The following SREK1 variants were observed in gnomAD, a reference collection of about 807,000 sequenced individuals.
The protein encoded by SREK1 is splicing regulatory glutamine/lysine-rich protein 1.
A neutral mutation model predicts 66.5 loss-of-function variants in SREK1; 13 were observed. The ratio of observed to expected loss-of-function variants is 0.20; its 90% CI spans 0.13 to 0.31. The LOEUF (loss-of-function observed/expected upper bound fraction) is 0.31. SREK1 is among the 10% of genes least tolerant of loss of function. The pLI, the probability that SREK1 is intolerant of heterozygous loss-of-function variation, is 1.00. For synonymous variants in SREK1, 265 were observed against 263.5 expected, an observed-to-expected ratio of 1.01 and a Z score of -0.05; for missense variants, 607 against 769.6, an observed-to-expected ratio of 0.79 and a Z score of 2.50.
rs1213105007 is a variant in SREK1 at position 66,162,576 on chromosome 5, G to C, written c.739G>C (p.Gly247Arg). ...CCTTGCTTTTAATGGAGTTATGTTT[G>C]GAGACAGGCCACTGAAGTAAGAAAT... Reference protein sequence around the residue: ...RALAFNGVMFGDRPLKINHSN... With the variant: ...RALAFNGVMFRDRPLKINHSN... The change falls in exon 5 of 12, where the codon GGA (glycine) becomes CGA (arginine). Residue 247 changes from glycine (G) to arginine (R), a missense_variant. By Grantham distance (125) the Gly-to-Arg change is moderately radical. Around this residue, in one of 5 missense-constraint regions of SREK1, gnomAD observed 112 missense variants for 168.6 expected, o/e 0.66. Coordinates refer to ENST00000334121, the MANE Select transcript of SREK1 (RefSeq NM_001077199.3). 10 of 1,609,848 alleles carry C rather than the reference G, an allele frequency of 6.2e-6. No individual in the cohort carries two copies. The highest frequency in any genetic ancestry group is 4.2e-6 in the Non-Finnish European group (5 of 1,177,522).
chr5:66,177,032 T>G (rs1746109140), intron 10 of SREK1, among the ~76,000 whole-genome samples: 1 of 152,142 alleles, frequency 6.6e-6, no homozygotes, highest in Non-Finnish European at 1.5e-5. Context: ...ACTTTTCTCT[T>G]ATGAACTGAA....
chr5:66,169,571 TTTGATTATATCTAG>T (rs1403353452), intron 7 of SREK1: 1 of 152,248 alleles, frequency 6.6e-6, no homozygotes, highest in Non-Finnish European at 1.5e-5. Context: ...AAATCCAATA[TTTGATTATATCTAG>T]TTTTAACTTA....
intron 1 of SREK1, among the ~76,000 whole-genome samples, chr5:66,147,578 A>AT (rs896536176): frequency 1.3e-5 from 2 of 152,044 alleles, no homozygotes; most frequent in Non-Finnish European, 2.9e-5. Flanking sequence ...TCCTGTGTTG[A>AT]TTTTTTTTGC....
chr5:66,166,833 CAT>C (rs913032770), intron 7 of SREK1: 12 of 151,792 alleles, frequency 7.9e-5, no homozygotes, highest in Middle Eastern at 3.2e-3. Flanking sequence ...CATGTGGAAA[CAT>C]GTAGCCTTAA....
intron 7 of SREK1, chr5:66,169,611 A>G (rs1308667170): frequency 6.6e-6 from 1 of 152,218 alleles, no homozygotes; most frequent in Non-Finnish European, 1.5e-5. Context: ...AATGATTTTT[A>G]TTTTCCTGTC....
At chr5:66,166,021 T>C (rs542998265) in intron 7 of SREK1, 12 of 152,220 alleles carry the variant, frequency 7.9e-5, no homozygotes, top group Non-Finnish European at 1.6e-4. Flanking sequence ...CTTTGGAATA[T>C]GGTTTTACTG....
chr5:66,159,116 TTTA>T (rs764732044), intron 2 of SREK1, 100 bp from the exon 3 acceptor site: 202 of 1,445,602 alleles, frequency 1.4e-4, no homozygotes, highest in Middle Eastern at 3.7e-4. Context: ...GATAGATTCA[TTTA>T]TTATTATTAT....
rs183122104 is a variant in SREK1, at chr5:66,158,530, G to A, written c.296-689G>A. The A allele has an allele frequency of 3.6e-3, 656 of 180,662 alleles. 4 individuals are homozygous for A. The highest frequency in any genetic ancestry group is 0.014 in the African/African-American group (600 of 41,726). The allele number at this position is 180,662 out of a possible 1,614,324, so 11.2% of individuals were successfully genotyped here. ...GGTGAGATGCTTTATTAACTGAATG[G>A]ATGTAGGCTTCCTTTTACGTTGAAG... is the stretch of plus-strand genomic sequence containing the variant. On this transcript the variant is annotated intron_variant, in intron 2 of 11. Transcript: ENST00000334121.
intron 2 of SREK1, among the ~76,000 whole-genome samples, chr5:66,155,662 G>A (rs1744224405): frequency 6.6e-6 from 1 of 152,164 alleles, no homozygotes; most frequent in Non-Finnish European, 1.5e-5. Flanking sequence ...TGACATAAGT[G>A]AGAAAAACCA....
At chr5:66,151,947 G>A (rs1441865597) in intron 1 of SREK1, among the ~76,000 whole-genome samples, 2 of 139,670 alleles carry the variant, frequency 1.4e-5, no homozygotes, top group Admixed American at 7.9e-5. Context: ...CCGGGTTCAC[G>A]CCACTCTCCT....
chr5:66,166,226 A>G, intron 7 of SREK1: 1 of 152,164 alleles, frequency 6.6e-6, no homozygotes, highest in South Asian at 2.1e-4. Context: ...CAAGGAAATA[A>G]TAGAATTGGG....
intron 1 of SREK1, among the ~76,000 whole-genome samples, chr5:66,150,299 T>C (rs1580618302): frequency 6.6e-6 from 1 of 152,178 alleles, no homozygotes; most frequent in African/African-American, 2.4e-5. Flanking sequence ...TACCTAATGA[T>C]TGCGGTATCT....
chr5:66,161,973 A>C, intron 3 of SREK1, 136 bp from the exon 4 acceptor site: 2 of 884,466 alleles, frequency 2.3e-6, no homozygotes, highest in Non-Finnish European at 3.3e-6. Flanking sequence ...AGACATATAT[A>C]TGACTGAAAG....
rs769363259 is a variant in SREK1 at position 66,178,812 on chromosome 5, A to C, written c.1819A>C (p.Asn607His). The C allele has an allele frequency of 6.2e-7, 1 of 1,612,684 alleles. No individual in the cohort carries two copies. Among genetic ancestry groups the C allele is most frequent in the South Asian group, 1.1e-5 (1 of 91,012 alleles). The change falls in exon 12 of 12, where the codon AAT (asparagine) becomes CAT (histidine). Residue 607 changes from asparagine (N) to histidine (H), a missense_variant. Asn to His is a moderately conservative substitution (Grantham distance 68, BLOSUM62 1). Around this residue, in one of 5 missense-constraint regions of SREK1, gnomAD observed 318 missense variants for 310.3 expected, o/e 1.02. Transcript: ENST00000334121. ...PRTEENKIQH[N>H]GNCQLNEENL... ...GACTGAGGAAAACAAAATACAGCAC[A>C]ATGGGAATTGTCAGCTGAATGAAGA...
chr5:66,159,974 C>T (rs1352389127), intron 3 of SREK1, among the ~76,000 whole-genome samples: 2 of 152,056 alleles, frequency 1.3e-5, no homozygotes, highest in Non-Finnish European at 2.9e-5. Flanking sequence ...ACTAAAAATA[C>T]AAAAACTTCT....
At position 66,170,576 on chromosome 5, in the gene SREK1, T is replaced by C; in HGVS notation, c.1122-9T>C. 6.3e-7 allele frequency: 1 copy of C among 1,576,302 alleles called. No homozygotes were observed. Among genetic ancestry groups the C allele is most frequent in the Non-Finnish European group, 8.6e-7 (1 of 1,168,846 alleles). ...TTAGTTATGAATTTATTTATTTTTGTTTTTAAAGGGACAAGAGAAAAGACA... is the reference window on the plus strand; with the variant it reads ...TTAGTTATGAATTTATTTATTTTTGCTTTTAAAGGGACAAGAGAAAAGACA... On this transcript the variant is annotated splice_polypyrimidine_tract_variant and intron_variant, in intron 8 of 11. Coordinates refer to ENST00000334121, the MANE Select transcript of SREK1 (RefSeq NM_001077199.3).
chr5:66,166,051 A>G (rs1385841179), intron 7 of SREK1: 2 of 152,248 alleles, frequency 1.3e-5, no homozygotes, highest in East Asian at 1.9e-4. Context: ...AAGGACTTAC[A>G]GTAAGACACT....
In SREK1 at chr5:66,170,049, A is replaced by T. The variant is rs1208769550; in HGVS notation, c.1002-2A>T. 6 of 1,537,068 alleles carry T rather than the reference A, an allele frequency of 3.9e-6. No homozygotes were observed. The East Asian group carries it at 1.4e-4, about 35-fold the overall frequency. Reference sequence around the variant, plus strand: ...GATATTCTAACAATTTTTTTTCTTTAGGAGTAGATCCCATAATAGATCACG... The same window carrying T: ...GATATTCTAACAATTTTTTTTCTTTTGGAGTAGATCCCATAATAGATCACG... On this transcript the variant is annotated splice_acceptor_variant, in intron 7 of 11. Coordinates refer to ENST00000334121, the MANE Select transcript of SREK1 (RefSeq NM_001077199.3). LOFTEE classifies it high-confidence loss of function.
At chr5:66,157,877 C>T (rs940468190) in intron 2 of SREK1, 3 of 240,482 alleles carry the variant, frequency 1.2e-5, no homozygotes, top group Non-Finnish European at 2.0e-5. Context: ...AAGATATATT[C>T]AGATAATATT....
Sources: gnomAD v4.1 joint callset for allele counts (sites outside exome capture counted in the v4.1 genomes callset) on GRCh38, gnomAD v4.1.1 for gene constraint, gnomAD v4.1.1 regional missense constraint, MANE v1.5 for transcripts, NCBI Gene and HGNC (gene_info 2026-07-23, HGNC 2026-07-21) for gene names.